The following CACNA2D3 variants were observed in gnomAD, a reference collection of about 807,000 sequenced individuals.
The protein encoded by CACNA2D3 is voltage-dependent calcium channel subunit alpha-2/delta-3.
Under a neutral mutation model 160.6 loss-of-function variants are expected in CACNA2D3, and 60 were observed. The ratio of observed to expected loss-of-function variants is 0.37; its 90% CI spans 0.30 to 0.46. The LOEUF (loss-of-function observed/expected upper bound fraction) is 0.46. CACNA2D3 is among the 20% of genes least tolerant of loss of function. CACNA2D3 has a pLI of 1.00. For missense variants in CACNA2D3, 1,205 were observed against 1,365.0 expected (o/e 0.88, Z 1.85); for synonymous variants, 558 against 492.9 (o/e 1.13, Z -1.75).
intron 9 of CACNA2D3, among the ~76,000 whole-genome samples, chr3:54,608,249 G>T (rs1256512562): frequency 2.0e-5 from 3 of 152,180 alleles, no homozygotes; most frequent in Admixed American, 6.5e-5. Context: ...CTACAATAAA[G>T]ATGTTATCAT....
chr3:54,367,370 G>A (rs76532180), intron 3 of CACNA2D3, among the ~76,000 whole-genome samples: 1,821 of 152,182 alleles, frequency 0.012, 29 homozygotes, highest in African/African-American at 0.04. Context: ...TCTGGCCATC[G>A]GCACTTAAAT....
At position 54,319,200 on chromosome 3, in the gene CACNA2D3, A is replaced by ACC. The variant is rs1553621071; in HGVS notation, c.205-1240_205-1239dup. Among the ~76,000 whole-genome samples the ACC allele has an allele frequency of 5.6e-4, 59 of 105,002 alleles. 1 individual carries two copies. Among genetic ancestry groups the ACC allele is most frequent in the African/African-American group, 1.7e-3 (51 of 29,968 alleles). The allele number at this position is 105,002 out of a possible 152,430, so 68.9% of individuals were successfully genotyped here. A position where few individuals can be genotyped will look rare whatever the true frequency, so the allele number is the denominator to read the frequency against. ...CACACACACACACACACACACACAC[A>ACC]CCCTTCCTCGAGTCAAGGAGAAACT... is the stretch of plus-strand genomic sequence containing the variant. On this transcript the variant is annotated intron_variant, in intron 2 of 37. Coordinates refer to ENST00000474759, the MANE Select transcript of CACNA2D3 (RefSeq NM_018398.3).
At chr3:54,364,003 C>A (rs1443255202) in intron 3 of CACNA2D3, among the ~76,000 whole-genome samples, 1 of 152,106 alleles carries the variant, frequency 6.6e-6, no homozygotes, top group Non-Finnish European at 1.5e-5. Flanking sequence ...TCTGAAGAGA[C>A]CGACTCGGTT....
chr3:54,244,224 A>G (rs552426785), intron 2 of CACNA2D3, among the ~76,000 whole-genome samples: 52 of 152,286 alleles, frequency 3.4e-4, no homozygotes, highest in African/African-American at 1.2e-3. Context: ...CAGATGAGCA[A>G]AACTAGTCTG....
chr3:54,255,943 G>C (rs1345846118), intron 2 of CACNA2D3, among the ~76,000 whole-genome samples: 1 of 151,998 alleles, frequency 6.6e-6, no homozygotes, highest in Non-Finnish European at 1.5e-5. Flanking sequence ...CAAGGTCACA[G>C]ATCCAGTAAG....
chr3:54,296,512 C>A (rs9863855), intron 2 of CACNA2D3, among the ~76,000 whole-genome samples: 42,547 of 152,084 alleles, frequency 0.28, 6,221 homozygotes, highest in East Asian at 0.4. Context: ...TATTTTAAAT[C>A]ATCAAAACAG....
chr3:54,422,292 G>T (rs1699848340), intron 4 of CACNA2D3, among the ~76,000 whole-genome samples: 1 of 152,182 alleles, frequency 6.6e-6, no homozygotes, highest in Non-Finnish European at 1.5e-5. Context: ...TGGAGTTTGT[G>T]TACTACAGGC....
intron 12 of CACNA2D3, among the ~76,000 whole-genome samples, 160 bp downstream of exon 12, chr3:54,752,837 GTTTTTTTTTTTTCTGTTC>G (rs1382518851): frequency 2.1e-5 from 3 of 144,216 alleles, no homozygotes; most frequent in Non-Finnish European, 4.5e-5. Flanking sequence ...TCCAAATTAT[GTTTTTTTTTTTTCTGTTC>G]TTTTTTTTTT....
intron 11 of CACNA2D3, among the ~76,000 whole-genome samples, chr3:54,675,078 C>T (rs190585894): frequency 6.6e-6 from 1 of 152,240 alleles, no homozygotes; most frequent in East Asian, 1.9e-4. Flanking sequence ...AAAAAGCGCA[C>T]CACAGGATCT....
At chr3:54,447,203 A>G (rs1192268094) in intron 4 of CACNA2D3, among the ~76,000 whole-genome samples, 1 of 152,210 alleles carries the variant, frequency 6.6e-6, no homozygotes, top group Non-Finnish European at 1.5e-5. Flanking sequence ...TGCTTTTCTT[A>G]AAAATTATCT....
At chr3:55,052,124 C>T (rs1331384116) in intron 35 of CACNA2D3, among the ~76,000 whole-genome samples, 2 of 152,146 alleles carry the variant, frequency 1.3e-5, no homozygotes, top group African/African-American at 2.4e-5. Context: ...ATCTTGGCTC[C>T]TCCCCTCACA....
At chr3:54,788,040 T>A (rs575179060) in intron 13 of CACNA2D3, among the ~76,000 whole-genome samples, 17 of 152,340 alleles carry the variant, frequency 1.1e-4, no homozygotes, top group Admixed American at 8.5e-4. Flanking sequence ...TGTTGGCTTC[T>A]GATGGCCGCC....
intron 3 of CACNA2D3, among the ~76,000 whole-genome samples, chr3:54,380,616 T>TA (rs1307820250): frequency 1.3e-5 from 2 of 152,064 alleles, no homozygotes; most frequent in African/African-American, 4.8e-5. Flanking sequence ...CGGGCACCTG[T>TA]AGTCCCAGCC....
chr3:54,992,733 G>A (rs1454877461), intron 31 of CACNA2D3, among the ~76,000 whole-genome samples: 6 of 150,134 alleles, frequency 4.0e-5, no homozygotes, highest in Non-Finnish European at 5.9e-5. Context: ...GATGGTGCTT[G>A]TGTTAGTCGG....
intron 11 of CACNA2D3, among the ~76,000 whole-genome samples, chr3:54,745,549 C>A (rs1559567112): frequency 6.6e-6 from 1 of 152,236 alleles, no homozygotes; most frequent in African/African-American, 2.4e-5. Context: ...GGTTAATACA[C>A]TGGCCCTGTC....
At chr3:54,415,392 G>A (rs562009385) in intron 4 of CACNA2D3, among the ~76,000 whole-genome samples, 93 of 152,178 alleles carry the variant, frequency 6.1e-4, no homozygotes, top group Non-Finnish European at 1.0e-3. Context: ...TCTTATTTAT[G>A]TCTGTTAATT....
intron 4 of CACNA2D3, among the ~76,000 whole-genome samples, chr3:54,480,326 G>A (rs1475306600): frequency 6.6e-6 from 1 of 152,096 alleles, no homozygotes; most frequent in Non-Finnish European, 1.5e-5. Context: ...GGTCTGCAGG[G>A]AACATACCAT....
At chr3:54,793,084 A>G (rs1204845563) in intron 13 of CACNA2D3, among the ~76,000 whole-genome samples, 1 of 152,246 alleles carries the variant, frequency 6.6e-6, no homozygotes, top group Non-Finnish European at 1.5e-5. Flanking sequence ...CTCTGAAGAA[A>G]AGAAACTGAT....
chr3:55,062,866 A>G (rs149717555), intron 35 of CACNA2D3, among the ~76,000 whole-genome samples: 1 of 152,330 alleles, frequency 6.6e-6, no homozygotes, highest in African/African-American at 2.4e-5. Context: ...AATTTTCTAC[A>G]CACTCCAAAG....
Sources: allele counts gnomAD v4.1 joint callset (sites outside exome capture counted in the v4.1 genomes callset), GRCh38; gene constraint gnomAD v4.1.1; transcripts MANE v1.5; gene names NCBI Gene and HGNC (gene_info 2026-07-23, HGNC 2026-07-21).